Variants in SFI1 observed in about 807,000 individuals in gnomAD.
The protein encoded by SFI1 is protein SFI1 homolog.
In SFI1, 195 loss-of-function variants were observed where a neutral mutation model predicts 207.5. The ratio of observed to expected loss-of-function variants is 0.94; its 90% confidence interval spans 0.84 to 1.06. The LOEUF (loss-of-function observed/expected upper bound fraction) is 1.06. Among genes scored for constraint, SFI1 ranks in the 50% least tolerant of loss-of-function variants. The pLI is 0.00. For missense variants in SFI1, 1,634 were observed against 1,588.0 expected (o/e 1.03, Z -0.49); for synonymous variants, 630 against 598.9 (o/e 1.05, Z -0.76).
rs1162482504 is a variant in SFI1 at position 31,530,171 on chromosome 22, C to CAAAAAAAAAAA, written c.267-865_267-855dup. On this transcript the variant is annotated intron_variant, in intron 3 of 32. Transcript: ENST00000400288. ...TGGGCGACAGAGTGAGACTCCATCT[C>CAAAAAAAAAAA]AAAAAAAAAAAAAAAAAAAAAAAAA... Among the ~76,000 whole-genome samples the CAAAAAAAAAAA allele has an allele frequency of 6.6e-4, 8 of 12,106 alleles. 1 individual carries two copies. Among genetic ancestry groups the CAAAAAAAAAAA allele is most frequent in the African/African-American group, 2.3e-3 (7 of 3,016 alleles). The allele number at this position is 12,106 out of a possible 152,430, so 7.9% of individuals were successfully genotyped here. A position where few individuals can be genotyped will look rare whatever the true frequency, so the allele number is the denominator to read the frequency against.
chr22:31,600,849 C>T (rs899325930), intron 15 of SFI1, among the ~76,000 whole-genome samples: 1 of 152,224 alleles, frequency 6.6e-6, no homozygotes, highest in African/African-American at 2.4e-5. Flanking sequence ...CTAGTTTTGT[C>T]ATATATGGCC....
intron 22 of SFI1, 63 bp downstream of exon 22, chr22:31,608,096 C>A (rs1049681327): frequency 2.3e-6 from 3 of 1,332,696 alleles, no homozygotes; most frequent in Admixed American, 1.7e-5. Context: ...TTGTGGAGAT[C>A]CCTGTGGCCC....
chr22:31,559,568 C>T, intron 7 of SFI1: 1 of 609,564 alleles, frequency 1.6e-6, no homozygotes. Flanking sequence ...ATAGGCTTTG[C>T]CATCACTGCC....
intron 3 of SFI1, among the ~76,000 whole-genome samples, chr22:31,529,507 G>A (rs929056503): frequency 2.0e-5 from 3 of 152,158 alleles, no homozygotes; most frequent in Non-Finnish European, 1.5e-5. Context: ...GCCTGGGCGA[G>A]AGTGAGACTC....
chr22:31,564,579 A>G (rs924896145), intron 8 of SFI1, among the ~76,000 whole-genome samples: 3 of 151,900 alleles, frequency 2.0e-5, no homozygotes, highest in Admixed American at 1.3e-4. Context: ...ATCATGGCTC[A>G]CTGTAGTCTT....
chr22:31,507,548 A>G (rs2054824717), intron 1 of SFI1, among the ~76,000 whole-genome samples: 1 of 152,310 alleles, frequency 6.6e-6, no homozygotes, highest in Non-Finnish European at 1.5e-5. Flanking sequence ...TGCACAGCAA[A>G]AGAAACTATC....
intron 4 of SFI1, among the ~76,000 whole-genome samples, chr22:31,541,285 T>C (rs912373181): frequency 6.6e-6 from 1 of 152,180 alleles, no homozygotes; most frequent in Non-Finnish European, 1.5e-5. Context: ...TTGCCTAAAA[T>C]TGACTAAAAT....
chr22:31,519,412 AG>A (rs2056934460), intron 2 of SFI1, among the ~76,000 whole-genome samples: 1 of 150,596 alleles, frequency 6.6e-6, no homozygotes, highest in Non-Finnish European at 1.5e-5. Flanking sequence ...CTGGGAGTAG[AG>A]GCATGCATCA....
At position 31,590,979 on chromosome 22, in the gene SFI1, A is replaced by ATTTT. The variant is rs201390550; in HGVS notation, c.1544+1406_1544+1409dup. On this transcript the variant is annotated intron_variant, in intron 15 of 32. Coordinates refer to ENST00000400288, the MANE Select transcript of SFI1 (RefSeq NM_001007467.3). ...TATTTATTTATTTATTTATTTATTT[A>ATTTT]TTTTTTTATTGATAATTCTTGGGTG... is the stretch of plus-strand genomic sequence containing the variant. Among the ~76,000 whole-genome samples, 57 of 142,212 alleles carry ATTTT rather than the reference A, an allele frequency of 4.0e-4. No homozygotes were observed. In the East Asian group the frequency reaches 5.4e-3, roughly 13 times the overall value. 93.3% of individuals were successfully genotyped at this position (142,212 alleles called of 152,430 possible).
chr22:31,556,519 G>C (rs1045550717), intron 6 of SFI1, among the ~76,000 whole-genome samples: 1 of 152,254 alleles, frequency 6.6e-6, no homozygotes, highest in East Asian at 1.9e-4. Context: ...ACTGTGCCCA[G>C]ACTGAAAGAT....
intron 8 of SFI1, among the ~76,000 whole-genome samples, chr22:31,570,743 A>T (rs1300440973): frequency 3.9e-5 from 6 of 152,020 alleles, no homozygotes; most frequent in Non-Finnish European, 8.8e-5. Flanking sequence ...CTGTTTTTTT[A>T]AAAAAAGCTA....
chr22:31,579,105 A>C (rs1411129274), intron 11 of SFI1, among the ~76,000 whole-genome samples: 1 of 151,708 alleles, frequency 6.6e-6, no homozygotes, highest in African/African-American at 2.4e-5. Context: ...GACTATAGGC[A>C]TGTGCCACCA....
intron 1 of SFI1, among the ~76,000 whole-genome samples, chr22:31,502,270 A>T (rs1041763445): frequency 1.3e-5 from 2 of 152,250 alleles, no homozygotes; most frequent in African/African-American, 4.8e-5. Context: ...TGGTCTCCTT[A>T]TACATCATTT....
chr22:31,590,796 C>G (rs1299831191), intron 15 of SFI1, among the ~76,000 whole-genome samples: 1 of 149,358 alleles, frequency 6.7e-6, no homozygotes, highest in Non-Finnish European at 1.5e-5. Context: ...AGCCACTGCG[C>G]CCGGCCAGCG....
chr22:31,571,346 T>G (rs1217259133), intron 8 of SFI1, among the ~76,000 whole-genome samples: 1 of 152,070 alleles, frequency 6.6e-6, no homozygotes, highest in Admixed American at 6.6e-5. Context: ...AGGGTCTCAC[T>G]CTGTTGCCCA....
intron 15 of SFI1, among the ~76,000 whole-genome samples, chr22:31,590,979 A>ATTTATTTATTTATTTAT (rs1285119931): frequency 1.1e-4 from 16 of 142,212 alleles, no homozygotes; most frequent in African/African-American, 3.8e-4. Context: ...TTATTTATTT[A>ATTTATTTATTTATTTAT]TTTTTTTATT....
At chr22:31,544,712 A>C (rs1293324471) in intron 4 of SFI1, among the ~76,000 whole-genome samples, 2 of 152,074 alleles carry the variant, frequency 1.3e-5, no homozygotes, top group African/African-American at 4.8e-5. Context: ...CCATGACTGT[A>C]CCACTGCATT....
chr22:31,519,004 A>G (rs73160642), intron 2 of SFI1, among the ~76,000 whole-genome samples: 5,477 of 152,242 alleles, frequency 0.036, 121 homozygotes, highest in Middle Eastern at 0.044. Context: ...CTTCCAGACT[A>G]TGCCCTGTGC....
At chr22:31,582,203 A>T (rs200653902) in intron 12 of SFI1, among the ~76,000 whole-genome samples, 802 of 6,070 alleles carry the variant, frequency 0.13, 201 homozygotes, top group Admixed American at 0.28. Context: ...TCTTTATTAC[A>T]TTTTATATAT....
Sources: allele counts gnomAD v4.1 joint callset (sites outside exome capture counted in the v4.1 genomes callset), GRCh38; gene constraint gnomAD v4.1.1; transcripts MANE v1.5; gene names NCBI Gene and HGNC (gene_info 2026-07-23, HGNC 2026-07-21).